The following TMEM232 variants were observed in gnomAD, a reference collection of about 807,000 sequenced individuals.
TMEM232 encodes the protein transmembrane protein 232.
Under a neutral mutation model 78.8 loss-of-function variants are expected in TMEM232, and 80 were observed. That is an observed-to-expected ratio of 1.01 (90% CI 0.85 to 1.22). TMEM232 has a LOEUF of 1.22. Ranked by LOEUF, TMEM232 falls within the 50% of genes most tolerant of loss-of-function variation. The pLI, the probability that TMEM232 is intolerant of heterozygous loss-of-function variation, is 0.00. For missense variants in TMEM232, 881 were observed against 742.2 expected (o/e 1.19, Z -2.17); for synonymous variants, 297 against 254.3 (o/e 1.17, Z -1.60).
chr5:110,427,396 G>A (rs1431664508), intron 12 of TMEM232, among the ~76,000 whole-genome samples: 2 of 151,932 alleles, frequency 1.3e-5, no homozygotes, highest in Non-Finnish European at 2.9e-5. Flanking sequence ...AAAAAGCCAT[G>A]GTGTTTAGCT....
chr5:110,475,931 A>AT (rs1361499136), intron 12 of TMEM232, among the ~76,000 whole-genome samples: 6 of 151,968 alleles, frequency 3.9e-5, no homozygotes. Flanking sequence ...GAGTACTTAG[A>AT]TTTTTCCTCA....
chr5:110,391,317 G>GTA (rs142838624), intron 3 of TMEM232, among the ~76,000 whole-genome samples: 2 of 143,916 alleles, frequency 1.4e-5, no homozygotes, highest in East Asian at 4.2e-4. Context: ...GTGTGTGTGT[G>GTA]TGTGTGTGTG....
In TMEM232 at chr5:110,603,714, T is replaced by G. The variant is rs184032632; in HGVS notation, c.1276+1395A>C. Reference sequence around the variant, plus strand: ...ATGGAAGAAATATAATTTTTGTACTTAAGAATAAAGATCTGTTTAAAATTG... The same window carrying G: ...ATGGAAGAAATATAATTTTTGTACTGAAGAATAAAGATCTGTTTAAAATTG... On this transcript the variant is annotated intron_variant, in intron 10 of 13. Coordinates refer to ENST00000455884, the MANE Select transcript of TMEM232 (RefSeq NM_001039763.4). 9.2e-5 allele frequency among the ~76,000 whole-genome samples: 14 copies of G among 152,220 alleles called. No individual in the cohort carries two copies. In the East Asian group the frequency reaches 2.5e-3, roughly 27 times the overall value.
At chr5:110,430,431 A>C (rs200503800) in intron 12 of TMEM232, among the ~76,000 whole-genome samples, 1 of 151,478 alleles carries the variant, frequency 6.6e-6, no homozygotes, top group African/African-American at 2.4e-5. Context: ...TGAAGCAATA[A>C]TTACTTGAAA....
At chr5:110,518,436 C>T (rs941809884) in intron 12 of TMEM232, among the ~76,000 whole-genome samples, 1 of 152,048 alleles carries the variant, frequency 6.6e-6, no homozygotes, top group Non-Finnish European at 1.5e-5. Context: ...ATTCCAATAC[C>T]CAGGCCACTT....
intron 12 of TMEM232, among the ~76,000 whole-genome samples, chr5:110,526,367 T>C (rs1413069168): frequency 2.0e-5 from 3 of 151,310 alleles, no homozygotes; most frequent in Non-Finnish European, 3.0e-5. Flanking sequence ...GGTTTTTGTA[T>C]AGACAAAAAT....
chr5:110,709,031 T>C (rs572062508), intron 1 of TMEM232, among the ~76,000 whole-genome samples: 10 of 152,072 alleles, frequency 6.6e-5, no homozygotes, highest in African/African-American at 2.4e-4. Context: ...AATAAAGAGA[T>C]GGAAAAAAGA....
intron 11 of TMEM232, among the ~76,000 whole-genome samples, chr5:110,530,367 A>T (rs145599757): frequency 2.8e-4 from 43 of 152,360 alleles, no homozygotes; most frequent in Admixed American, 1.6e-3. Flanking sequence ...TGATTCAGTA[A>T]TCCCACTACT....
chr5:110,525,167 A>G (rs1770385849), intron 12 of TMEM232, among the ~76,000 whole-genome samples: 1 of 151,514 alleles, frequency 6.6e-6, no homozygotes, highest in Non-Finnish European at 1.5e-5. Context: ...CGTAACAATA[A>G]GAAAAAAAAA....
intron 13 of TMEM232, among the ~76,000 whole-genome samples, chr5:110,422,955 A>G (rs936656378): frequency 1.3e-5 from 2 of 152,184 alleles, no homozygotes; most frequent in African/African-American, 4.8e-5. Context: ...TGCTTTATTC[A>G]ACTTATTCAC....
chr5:110,620,352 C>T (rs1783475826), intron 7 of TMEM232, among the ~76,000 whole-genome samples: 1 of 152,124 alleles, frequency 6.6e-6, no homozygotes, highest in South Asian at 2.1e-4. Context: ...AGCCACTTGA[C>T]AATTTGTTTC....
Position 110,667,259 on chromosome 5 carries a change from G to A in TMEM232, c.94C>T (p.His32Tyr), listed in dbSNP as rs952490612. ...HEELWKLNFQ[H>Y]LSGERGHKSR... ...TTATGACCCCTTTCTCCACTTAAAT[G>A]TTGAAAATTTAATTTCCAGAGCTCT... Residue 32 changes from histidine (H) to tyrosine (Y), a missense_variant, in exon 2 of 14, where the codon CAT becomes TAT. His to Tyr is a moderately conservative substitution (Grantham distance 83, BLOSUM62 2). Coordinates refer to ENST00000455884, the MANE Select transcript of TMEM232 (RefSeq NM_001039763.4). 6.5e-7 allele frequency: 1 copy of A among 1,545,400 alleles called. No individual in the cohort carries two copies. The highest frequency in any genetic ancestry group is 8.7e-7 in the Non-Finnish European group (1 of 1,143,496).
At chr5:110,709,120 C>T (rs560691693) in intron 1 of TMEM232, among the ~76,000 whole-genome samples, 2 of 151,954 alleles carry the variant, frequency 1.3e-5, no homozygotes, top group East Asian at 1.9e-4. Context: ...AGACAAAAAC[C>T]ATAAGAAGAG....
At chr5:110,692,474 A>G (rs1436093077) in intron 1 of TMEM232, among the ~76,000 whole-genome samples, 1 of 152,152 alleles carries the variant, frequency 6.6e-6, no homozygotes, top group Non-Finnish European at 1.5e-5. Flanking sequence ...GGTGCAGCAC[A>G]CCGTGTGTGA....
intron 2 of TMEM232, among the ~76,000 whole-genome samples, chr5:110,654,747 C>A (rs1339432854): frequency 1.3e-5 from 2 of 152,094 alleles, no homozygotes; most frequent in Non-Finnish European, 2.9e-5. Flanking sequence ...GCAGTATGGC[C>A]ATTTTCACGA....
At chr5:110,407,325 G>T (rs1755829965) in intron 2 of TMEM232, among the ~76,000 whole-genome samples, 1 of 151,858 alleles carries the variant, frequency 6.6e-6, no homozygotes, top group Admixed American at 6.6e-5. Context: ...TAAATGTGAA[G>T]GATCAGAAAA....
At chr5:110,462,616 C>T (rs373197726) in intron 12 of TMEM232, among the ~76,000 whole-genome samples, 8 of 152,176 alleles carry the variant, frequency 5.3e-5, no homozygotes, top group African/African-American at 1.9e-4. Flanking sequence ...GCACTGCTGG[C>T]TTCCCTACTT....
intron 10 of TMEM232, among the ~76,000 whole-genome samples, chr5:110,579,008 G>A (rs879723250): frequency 3.3e-5 from 5 of 151,650 alleles, no homozygotes; most frequent in Non-Finnish European, 7.4e-5. Flanking sequence ...AGGCCCAAAA[G>A]ATCTCAAATA....
chr5:110,550,546 C>T (rs980265172), intron 11 of TMEM232, among the ~76,000 whole-genome samples: 1 of 151,710 alleles, frequency 6.6e-6, no homozygotes, highest in Non-Finnish European at 1.5e-5. Flanking sequence ...AAAATTAACA[C>T]ACAAAACTAA....
Sources: allele counts gnomAD v4.1 joint callset (sites outside exome capture counted in the v4.1 genomes callset), GRCh38; gene constraint gnomAD v4.1.1; transcripts MANE v1.5; gene names NCBI Gene and HGNC (gene_info 2026-07-23, HGNC 2026-07-21).